Variants in DMD observed in about 807,000 individuals in gnomAD.
DMD encodes dystrophin.
Under a neutral mutation model 330.1 loss-of-function variants are expected in DMD, and 63 were observed. That is an observed-to-expected ratio of 0.19 (90% CI 0.16 to 0.24). The LOEUF is 0.24. Among genes scored for constraint, DMD ranks in the 10% least tolerant of loss-of-function variants. DMD has a pLI of 1.00. For synonymous variants in DMD, 1,223 were observed against 959.8 expected, an observed-to-expected ratio of 1.27 and a Z score of -5.07; for missense variants, 3,344 against 2,684.1, an observed-to-expected ratio of 1.25 and a Z score of -5.43.
At position 33,071,221 on chromosome X, in the gene DMD, G is replaced by T. The variant is rs141790038; in HGVS notation, c.32-51021C>A. Among the ~76,000 whole-genome samples the T allele has an allele frequency of 7.9e-3, 873 of 110,304 alleles. 11 individuals carry two copies. The highest frequency in any genetic ancestry group is 0.028 in the African/African-American group (845 of 30,284). On this transcript the variant is annotated intron_variant, in intron 1 of 78. Coordinates refer to ENST00000357033, the MANE Select transcript of DMD (RefSeq NM_004006.3). The stretch of plus-strand genomic sequence containing the variant: ...AATCCCAGCACTTTGGGAGGCCGAG[G>T]TGGCAGATGACTTGAGGCCAGGAGT...
At chrX:32,115,656 G>A (rs57609047) in intron 44 of DMD, among the ~76,000 whole-genome samples, 6,733 of 111,412 alleles carry the variant, frequency 0.06, 495 homozygotes, top group African/African-American at 0.21. Context: ...GATAATAAGA[G>A]AGACTCTTGA....
chrX:31,858,582 A>G (rs964617291), intron 48 of DMD, among the ~76,000 whole-genome samples: 3 of 44,621 alleles, frequency 6.7e-5, no homozygotes, highest in Non-Finnish European at 1.1e-4. Context: ...GCTAAAACTT[A>G]AAGTATAATA....
chrX:31,406,367 C>T (rs1208237407), intron 60 of DMD, among the ~76,000 whole-genome samples: 1 of 110,733 alleles, frequency 9.0e-6, no homozygotes, highest in Non-Finnish European at 1.9e-5. Flanking sequence ...CAAACCTTCA[C>T]ATGTACCGTC....
intron 62 of DMD, among the ~76,000 whole-genome samples, chrX:31,292,091 C>A (rs2053744858): frequency 9.0e-6 from 1 of 110,889 alleles, no homozygotes; most frequent in Non-Finnish European, 1.9e-5. Flanking sequence ...AAAGAATTAA[C>A]CCTAAGGAAA....
At chrX:31,669,901 T>C (rs1017759332) in intron 53 of DMD, among the ~76,000 whole-genome samples, 90 of 109,476 alleles carry the variant, frequency 8.2e-4, no homozygotes, top group African/African-American at 2.7e-3. Flanking sequence ...TGTAGATCAA[T>C]TGGGGGGATA....
At chrX:32,159,003 T>C (rs2096839748) in intron 44 of DMD, among the ~76,000 whole-genome samples, 1 of 112,371 alleles carries the variant, frequency 8.9e-6, no homozygotes, top group African/African-American at 3.2e-5. Flanking sequence ...CTTAATAGTC[T>C]CTGAGCCTCT....
intron 34 of DMD, among the ~76,000 whole-genome samples, chrX:32,375,055 C>G (rs2097896262): frequency 9.0e-6 from 1 of 110,962 alleles, no homozygotes; most frequent in Non-Finnish European, 1.9e-5. Flanking sequence ...TAGAAGTGTT[C>G]TTAAGGATAG....
chrX:32,817,900 GGA>G (rs1427005143), intron 5 of DMD, among the ~76,000 whole-genome samples: 1 of 111,470 alleles, frequency 9.0e-6, no homozygotes, highest in Non-Finnish European at 1.9e-5. Context: ...GTAACGATTC[GGA>G]GATATGAAAT....
chrX:33,090,028 T>G (rs2148301856), intron 1 of DMD, among the ~76,000 whole-genome samples: 1 of 111,908 alleles, frequency 8.9e-6, no homozygotes, highest in South Asian at 3.7e-4. Context: ...AGCACAAAGT[T>G]ACTGTGTAAT....
intron 7 of DMD, among the ~76,000 whole-genome samples, chrX:32,761,675 C>A (rs2072315794): frequency 9.0e-6 from 1 of 111,516 alleles, no homozygotes; most frequent in Non-Finnish European, 1.9e-5. Flanking sequence ...AGGAGAGTAG[C>A]ACTCCTCAGT....
intron 1 of DMD, among the ~76,000 whole-genome samples, chrX:33,203,576 A>G (rs1373152907): frequency 9.0e-6 from 1 of 111,319 alleles, no homozygotes; most frequent in African/African-American, 3.3e-5. Flanking sequence ...TCATGAAGTC[A>G]TTAAATTGGA....
chrX:31,137,833 T>C (rs1435442342), intron 76 of DMD, among the ~76,000 whole-genome samples: 2 of 110,974 alleles, frequency 1.8e-5, no homozygotes, highest in Middle Eastern at 4.7e-3. Context: ...GAAGTCCTCA[T>C]TGATGAGATG....
chrX:33,337,945 A>G (rs1490949976), intron 1 of DMD, among the ~76,000 whole-genome samples: 1 of 111,800 alleles, frequency 8.9e-6, no homozygotes, highest in Non-Finnish European at 1.9e-5. Flanking sequence ...GTCATATTAG[A>G]TGTACATATA....
chrX:32,705,707 T>G (rs1425811797), intron 7 of DMD, among the ~76,000 whole-genome samples: 2 of 112,088 alleles, frequency 1.8e-5, no homozygotes, highest in South Asian at 3.7e-4. Flanking sequence ...CCTGACTTTT[T>G]AATGATCGCC....
chrX:32,878,309 C>G (rs774226718), intron 2 of DMD, among the ~76,000 whole-genome samples: 1 of 111,216 alleles, frequency 9.0e-6, no homozygotes, highest in African/African-American at 3.3e-5. Flanking sequence ...ACCTGGGAGG[C>G]GGAGCTTGCA....
At chrX:32,623,007 C>A (rs542315784) in intron 11 of DMD, among the ~76,000 whole-genome samples, 1 of 111,731 alleles carries the variant, frequency 9.0e-6, no homozygotes, top group African/African-American at 3.3e-5. Flanking sequence ...GTTACTACTG[C>A]TAAAACTCAG....
At chrX:31,609,124 G>A (rs907403522) in intron 55 of DMD, among the ~76,000 whole-genome samples, 5 of 110,988 alleles carry the variant, frequency 4.5e-5, no homozygotes, top group African/African-American at 1.6e-4. Context: ...TTAAGAAATA[G>A]AGAATCTTAC....
At chrX:32,916,311 G>T (rs1029594056) in intron 2 of DMD, among the ~76,000 whole-genome samples, 1 of 111,307 alleles carries the variant, frequency 9.0e-6, no homozygotes, top group Non-Finnish European at 1.9e-5. Context: ...CTGACGAAGG[G>T]TAACTAGAAA....
chrX:31,508,119 C>G, intron 55 of DMD: 1 of 743,483 alleles, frequency 1.3e-6, no homozygotes, highest in Non-Finnish European at 2.0e-6. Context: ...TACATAGGAC[C>G]TTGGTAAGAG....
Sources: allele counts gnomAD v4.1 joint callset (sites outside exome capture counted in the v4.1 genomes callset), GRCh38; gene constraint gnomAD v4.1.1; transcripts MANE v1.5; gene names NCBI Gene and HGNC (gene_info 2026-07-23, HGNC 2026-07-21).